Variants in PEX5L observed in about 807,000 individuals in gnomAD.
The protein encoded by PEX5L is peroxisomal biogenesis factor 5 like.
In PEX5L, 30 loss-of-function variants were observed where a neutral mutation model predicts 84.0. The ratio of observed to expected loss-of-function variants is 0.36; its 90% CI spans 0.27 to 0.48. PEX5L has a LOEUF of 0.48. Among genes scored for constraint, PEX5L ranks in the 20% least tolerant of loss-of-function variants. The probability of loss-of-function intolerance (pLI) is 0.99; values close to 1 mark genes in which losing one functional copy is unlikely to be tolerated. For synonymous variants in PEX5L, 270 were observed against 283.1 expected (o/e 0.95, Z 0.46); for missense variants, 533 against 754.6 (o/e 0.71, Z 3.44).
intron 2 of PEX5L, among the ~76,000 whole-genome samples, chr3:179,969,808 C>G (rs1207959137): frequency 6.6e-6 from 1 of 152,140 alleles, no homozygotes; most frequent in Non-Finnish European, 1.5e-5. Flanking sequence ...CAGAGGCAAA[C>G]AGCGACTCTG....
At chr3:179,961,156 G>A (rs967686515) in intron 2 of PEX5L, among the ~76,000 whole-genome samples, 2 of 151,536 alleles carry the variant, frequency 1.3e-5, no homozygotes, top group African/African-American at 2.4e-5. Flanking sequence ...AAAATACGAT[G>A]AGGAATAAAT....
chr3:179,816,080 A>G, intron 9 of PEX5L, 76 bp from the exon 10 acceptor site: 1 of 1,420,342 alleles, frequency 7.0e-7, no homozygotes, highest in Non-Finnish European at 9.8e-7. Flanking sequence ...GTTCTCATTA[A>G]AAAGTCAGGA....
intron 8 of PEX5L, among the ~76,000 whole-genome samples, chr3:179,827,621 A>G (rs1280860764): frequency 6.6e-6 from 1 of 152,214 alleles, no homozygotes; most frequent in Non-Finnish European, 1.5e-5. Context: ...TAATTGGAAC[A>G]TCTTTTACTA....
chr3:179,968,984 C>T (rs550562971), intron 2 of PEX5L, among the ~76,000 whole-genome samples: 1 of 152,050 alleles, frequency 6.6e-6, no homozygotes, highest in South Asian at 2.1e-4. Flanking sequence ...GAACAAAATC[C>T]ACATACATGG....
chr3:179,940,639 A>G (rs1010198534), intron 2 of PEX5L, among the ~76,000 whole-genome samples: 1 of 152,180 alleles, frequency 6.6e-6, no homozygotes, highest in African/African-American at 2.4e-5. Context: ...TACAGCATTA[A>G]TTTACCTCTA....
intron 4 of PEX5L, among the ~76,000 whole-genome samples, chr3:179,880,731 A>G (rs2108781401): frequency 6.6e-6 from 1 of 152,374 alleles, no homozygotes; most frequent in South Asian, 2.1e-4. Context: ...AATGTAACTA[A>G]CTATAAAACT....
At chr3:180,000,141 C>A (rs1025821317) in intron 1 of PEX5L, among the ~76,000 whole-genome samples, 12 of 152,114 alleles carry the variant, frequency 7.9e-5, no homozygotes, top group Admixed American at 7.9e-4. Context: ...GCCTAGAGGT[C>A]TTAGTTCCAG....
At chr3:179,921,400 G>T (rs1158382102) in intron 2 of PEX5L, 1 of 152,160 alleles carries the variant, frequency 6.6e-6, no homozygotes, top group Non-Finnish European at 1.5e-5. Flanking sequence ...TTTCCTTAAA[G>T]AATCAGTCTG....
At chr3:179,869,592 C>A (rs1345877053) in intron 7 of PEX5L, among the ~76,000 whole-genome samples, 2 of 152,174 alleles carry the variant, frequency 1.3e-5, no homozygotes, top group African/African-American at 2.4e-5. Context: ...GCCTCAGAAC[C>A]AAGGTGTCTC....
At position 179,798,934 on chromosome 3, in the gene PEX5L, T is replaced by C. The variant is rs546302603; in HGVS notation, c.*2894A>G. On this transcript the variant is annotated 3_prime_UTR_variant, in exon 15 of 15. Coordinates refer to ENST00000467460, the MANE Select transcript of PEX5L (RefSeq NM_016559.3). ...CTATAAACTGTCACTTTTTTGTTTT[T>C]TTTGAGACGGAGTCTCGCTCTGTCA... is the stretch of plus-strand genomic sequence containing the variant. 2 of 152,390 alleles carry C rather than the reference T, an allele frequency of 1.3e-5. No homozygotes were observed. Among genetic ancestry groups the C allele is most frequent in the East Asian group, 3.9e-4 (2 of 5,192 alleles). The allele number at this position is 152,390 out of a possible 1,614,324, so 9.4% of individuals were successfully genotyped here. A position where few individuals can be genotyped will look rare whatever the true frequency, so the allele number is the denominator to read the frequency against.
chr3:179,979,001 T>C (rs1219494951), intron 1 of PEX5L, among the ~76,000 whole-genome samples: 9 of 152,210 alleles, frequency 5.9e-5, no homozygotes, highest in Admixed American at 5.9e-4. Context: ...AACCTCACTA[T>C]ACTCTGGGCT....
At position 179,799,298 on chromosome 3, in the gene PEX5L, C is replaced by T. The variant is rs1718172112; in HGVS notation, c.*2530G>A. On this transcript the variant is annotated 3_prime_UTR_variant, in exon 15 of 15. Transcript: ENST00000467460. ...AAAATGCAACTCTTTTCCTCTTGGG[C>T]CGTAATTCTGGACTTCTTGACAGCC... 2 of 152,080 alleles carry T rather than the reference C, an allele frequency of 1.3e-5. No individual in the cohort carries two copies. The highest frequency in any genetic ancestry group is 2.9e-5 in the Non-Finnish European group (2 of 68,012). The allele number at this position is 152,080 out of a possible 1,614,324, so 9.4% of individuals were successfully genotyped here. A position where few individuals can be genotyped will look rare whatever the true frequency, so the allele number is the denominator to read the frequency against.
chr3:179,971,738 T>C, intron 1 of PEX5L, 73 bp from the exon 2 acceptor site: 1 of 1,402,342 alleles, frequency 7.1e-7, no homozygotes. Flanking sequence ...TTAATATTTT[T>C]AAAGATAAAA....
intron 2 of PEX5L, among the ~76,000 whole-genome samples, chr3:179,956,987 G>A (rs186359174): frequency 6.6e-6 from 1 of 152,178 alleles, no homozygotes; most frequent in Admixed American, 6.5e-5. Context: ...GTCACTGCAT[G>A]AGCCAGTGAA....
intron 1 of PEX5L, among the ~76,000 whole-genome samples, chr3:180,017,894 A>G (rs969988702): frequency 1.3e-5 from 2 of 152,210 alleles, no homozygotes; most frequent in African/African-American, 4.8e-5. Context: ...TTCAAAATAA[A>G]GAAAAATTAA....
chr3:180,027,858 A>G (rs1791105947), intron 1 of PEX5L, among the ~76,000 whole-genome samples: 1 of 152,192 alleles, frequency 6.6e-6, no homozygotes, highest in Non-Finnish European at 1.5e-5. Flanking sequence ...TTGGAAAAAC[A>G]CAATCTGCTT....
rs1405549482 is a variant in PEX5L, at chr3:179,799,189, A to G, written c.*2639T>C. The G allele has an allele frequency of 6.6e-6, 1 of 152,220 alleles. No individual in the cohort carries two copies. Among genetic ancestry groups the G allele is most frequent in the East Asian group, 1.9e-4 (1 of 5,196 alleles). 9.4% of individuals were successfully genotyped at this position (152,220 alleles called of 1,614,324 possible). A position where few individuals can be genotyped will look rare whatever the true frequency, so the allele number is the denominator to read the frequency against. ...CGCCTCTGCCTCCCAAAGTGCTAGG[A>G]TTACAGGCGTGAGCCACCGCACCTG... On this transcript the variant is annotated 3_prime_UTR_variant, in exon 15 of 15. Transcript: ENST00000467460.
chr3:179,993,285 T>C (rs1045037934), intron 1 of PEX5L, among the ~76,000 whole-genome samples: 7 of 152,172 alleles, frequency 4.6e-5, no homozygotes, highest in Non-Finnish European at 1.0e-4. Context: ...TGCCTACTCA[T>C]ATCTTTTGCC....
chr3:180,016,516 A>G (rs1173895662), intron 1 of PEX5L, among the ~76,000 whole-genome samples: 1 of 152,192 alleles, frequency 6.6e-6, no homozygotes, highest in Non-Finnish European at 1.5e-5. Context: ...ACCTGGTTCA[A>G]TTATCACGCA....
Sources: gnomAD v4.1 joint callset for allele counts (sites outside exome capture counted in the v4.1 genomes callset) on GRCh38, gnomAD v4.1.1 for gene constraint, MANE v1.5 for transcripts, NCBI Gene and HGNC (gene_info 2026-07-23, HGNC 2026-07-21) for gene names.